The following DGKI variants were observed in gnomAD, a reference collection of about 807,000 sequenced individuals.
DGKI encodes DAG kinase iota.
DGKI carries 55 observed loss-of-function variants against 147.5 expected under a neutral mutation model. That is an observed-to-expected ratio of 0.37 (90% CI 0.30 to 0.47). DGKI has a LOEUF of 0.47. Ranked by LOEUF, DGKI falls within the 20% of genes least tolerant of loss-of-function variation. The probability of loss-of-function intolerance (pLI) is 1.00; values close to 1 mark genes in which losing one functional copy is unlikely to be tolerated. For synonymous variants in DGKI, 469 were observed against 477.1 expected (o/e 0.98, Z 0.22); for missense variants, 1,007 against 1,323.8 (o/e 0.76, Z 3.71).
intron 19 of DGKI, among the ~76,000 whole-genome samples, chr7:137,557,787 T>C (rs938805501): frequency 6.6e-6 from 1 of 152,028 alleles, no homozygotes; most frequent in African/African-American, 2.4e-5. Context: ...GCGATTCCCT[T>C]CTCCAGAGTT....
chr7:137,700,794 C>T (rs1030469769), intron 1 of DGKI, among the ~76,000 whole-genome samples: 4 of 152,118 alleles, frequency 2.6e-5, no homozygotes, highest in African/African-American at 9.7e-5. Flanking sequence ...AGGAGAATTG[C>T]TTGAACCTGG....
chr7:137,649,171 T>C lies in DGKI; in HGVS notation c.739-3634A>G, dbSNP rs142350817. On this transcript the variant is annotated intron_variant, in intron 5 of 32. Coordinates refer to ENST00000614521, the MANE Select transcript of DGKI (RefSeq NM_001321708.2). ...AATGGAATTATCCACCTAATTTCTTTGACGATTAAATCACATAGTTACCAT... is the reference window on the plus strand; with the variant it reads ...AATGGAATTATCCACCTAATTTCTTCGACGATTAAATCACATAGTTACCAT... Among the ~76,000 whole-genome samples the C allele has an allele frequency of 2.1e-3, 320 of 152,356 alleles. 1 individual carries two copies. Among genetic ancestry groups the C allele is most frequent in the African/African-American group, 7.1e-3 (297 of 41,584 alleles).
At chr7:137,741,032 A>C (rs761774066) in intron 1 of DGKI, among the ~76,000 whole-genome samples, 7 of 152,044 alleles carry the variant, frequency 4.6e-5, no homozygotes, top group Non-Finnish European at 1.0e-4. Context: ...TATTATTTTG[A>C]GAACTAGAAA....
chr7:137,699,290 A>G (rs1305732505), intron 1 of DGKI, among the ~76,000 whole-genome samples: 2 of 152,118 alleles, frequency 1.3e-5, no homozygotes, highest in Non-Finnish European at 2.9e-5. Flanking sequence ...GGGGGTTAGG[A>G]TTTTAGGATT....
At chr7:137,539,985 T>A (rs1424966965) in intron 20 of DGKI, among the ~76,000 whole-genome samples, 2 of 152,188 alleles carry the variant, frequency 1.3e-5, no homozygotes, top group Admixed American at 1.3e-4. Context: ...ACATTTTAGA[T>A]GAAATGGACC....
intron 1 of DGKI, among the ~76,000 whole-genome samples, chr7:137,819,219 G>A (rs931515511): frequency 2.0e-5 from 3 of 151,926 alleles, no homozygotes; most frequent in Admixed American, 1.3e-4. Context: ...ACTCACAGAC[G>A]TTACACCAGA....
chr7:137,500,057 C>T (rs542129176), intron 21 of DGKI, among the ~76,000 whole-genome samples: 1 of 152,050 alleles, frequency 6.6e-6, no homozygotes. Flanking sequence ...TATTTTGTTA[C>T]GGCAGCCAGA....
chr7:137,658,810 G>A (rs898223908), intron 3 of DGKI, among the ~76,000 whole-genome samples: 3 of 152,124 alleles, frequency 2.0e-5, no homozygotes, highest in African/African-American at 7.2e-5. Context: ...TTTGAGAACT[G>A]GTGCATTAAG....
intron 6 of DGKI, among the ~76,000 whole-genome samples, chr7:137,635,497 G>C (rs1211236144): frequency 6.6e-6 from 1 of 152,138 alleles, no homozygotes; most frequent in East Asian, 1.9e-4. Context: ...CTATGCAAGG[G>C]CTTACGAAAT....
chr7:137,394,476 C>G (rs1469420383), intron 32 of DGKI, among the ~76,000 whole-genome samples: 2 of 152,068 alleles, frequency 1.3e-5, no homozygotes, highest in Non-Finnish European at 2.9e-5. Flanking sequence ...TAGGCTGAGC[C>G]CTGGTTCAAC....
intron 5 of DGKI, 48 bp from the exon 6 acceptor site, chr7:137,645,585 T>C (rs372992207): frequency 6.0e-5 from 91 of 1,525,368 alleles, no homozygotes; most frequent in Non-Finnish European, 6.2e-5. Flanking sequence ...TTTATTTCTA[T>C]AGACAGGGTC....
intron 1 of DGKI, among the ~76,000 whole-genome samples, chr7:137,801,731 A>T (rs1797216106): frequency 6.6e-6 from 1 of 152,152 alleles, no homozygotes; most frequent in Non-Finnish European, 1.5e-5. Context: ...GCTTGCACCC[A>T]CTGGGGGTGA....
At chr7:137,842,954 G>C (rs554783287) in intron 1 of DGKI, among the ~76,000 whole-genome samples, 75 of 152,166 alleles carry the variant, frequency 4.9e-4, no homozygotes, top group Non-Finnish European at 1.0e-3. Flanking sequence ...TGGACAGAGA[G>C]CTCAAGCCTA....
chr7:137,591,064 C>T (rs1477965591), intron 12 of DGKI, among the ~76,000 whole-genome samples: 1 of 152,178 alleles, frequency 6.6e-6, no homozygotes, highest in Non-Finnish European at 1.5e-5. Context: ...AGAAGGTTGT[C>T]AGGAGTTCTC....
intron 1 of DGKI, among the ~76,000 whole-genome samples, chr7:137,724,079 AG>A (rs1794650703): frequency 6.6e-6 from 1 of 152,130 alleles, no homozygotes; most frequent in African/African-American, 2.4e-5. Context: ...AGAGAGAGAG[AG>A]AGAGACAGTC....
chr7:137,840,187 C>A (rs992054165), intron 1 of DGKI, among the ~76,000 whole-genome samples: 1 of 152,216 alleles, frequency 6.6e-6, no homozygotes, highest in African/African-American at 2.4e-5. Flanking sequence ...GTAGCTGGTG[C>A]TTTTCTGAAG....
intron 14 of DGKI, among the ~76,000 whole-genome samples, chr7:137,583,672 A>G (rs1482347345): frequency 6.6e-6 from 1 of 152,098 alleles, no homozygotes; most frequent in Non-Finnish European, 1.5e-5. Flanking sequence ...AAGCTGTTGG[A>G]AAGAGAATTA....
chr7:137,778,564 GTTCCACAGATAACAAT>G (rs1796431070), intron 1 of DGKI, among the ~76,000 whole-genome samples: 1 of 151,674 alleles, frequency 6.6e-6, no homozygotes, highest in Admixed American at 6.6e-5. Flanking sequence ...CAGAACAATT[GTTCCACAGATAACAAT>G]TTTTAGATCT....
At chr7:137,575,848 T>C (rs1261871487) in intron 17 of DGKI, among the ~76,000 whole-genome samples, 1 of 151,520 alleles carries the variant, frequency 6.6e-6, no homozygotes, top group Non-Finnish European at 1.5e-5. Flanking sequence ...TAAAGGCCTT[T>C]GTCTCTTGTT....
Sources: allele counts gnomAD v4.1 joint callset (sites outside exome capture counted in the v4.1 genomes callset), GRCh38; gene constraint gnomAD v4.1.1; transcripts MANE v1.5; gene names NCBI Gene and HGNC (gene_info 2026-07-23, HGNC 2026-07-21).